ABCA7: variants seen among roughly 807,000 people sequenced by gnomAD.
ABCA7 encodes the protein ATP binding cassette subfamily A member 7.
A neutral mutation model predicts 227.6 loss-of-function variants in ABCA7; 261 were observed. The ratio of observed to expected loss-of-function variants is 1.15; its 90% CI spans 1.04 to 1.27. The LOEUF is 1.27. Ranked by LOEUF, ABCA7 falls within the 50% of genes most tolerant of loss-of-function variation. ABCA7 has a pLI of 0.00. For synonymous variants in ABCA7, 1,488 were observed against 1,279.7 expected (o/e 1.16, Z -3.47); for missense variants, 3,331 against 2,924.5 (o/e 1.14, Z -3.21).
In ABCA7 at chr19:1,063,785, C is replaced by G; in HGVS notation, c.5873C>G (p.Pro1958Arg). The change falls in exon 44 of 47, where the codon CCC becomes CGC. Residue 1958 changes from proline to arginine, a missense_variant. Physicochemically the swap from Pro to Arg is moderately radical, Grantham distance 103. Transcript: ENST00000263094. Reference protein sequence around the residue: ...FLDEPTTGMDPSARRFLWNSL... With the variant: ...FLDEPTTGMDRSARRFLWNSL... ...GACGAGCCGACCACAGGCATGGACCCCAGCGCGCGGCGCTTCCTTTGGAAC... is the reference window on the plus strand; with the variant it reads ...GACGAGCCGACCACAGGCATGGACCGCAGCGCGCGGCGCTTCCTTTGGAAC... 1 of 1,547,192 alleles carries G rather than the reference C, an allele frequency of 6.5e-7. No individual in the cohort carries two copies. Among genetic ancestry groups the G allele is most frequent in the African/African-American group, 1.4e-5 (1 of 73,172 alleles).
rs1043625671 is a variant in ABCA7 at position 1,064,998 on chromosome 19, G to C, written c.6112G>C (p.Val2038Leu). ...AARSQPAAAF[V>L]AAEFPGAELR... ...AAGGTCCCAGCCGGCAGCGGCCTTC[G>C]TGGCGGCCGAGTTCCCTGGGGCGGA... Residue 2038 changes from valine to leucine, a missense_variant, in exon 46 of 47, where the codon GTG becomes CTG. Val to Leu is a conservative substitution (Grantham distance 32). Transcript: ENST00000263094. 1 of 1,555,874 alleles carries C rather than the reference G, an allele frequency of 6.4e-7. No homozygotes were observed. The highest frequency in any genetic ancestry group is 2.4e-5 in the East Asian group (1 of 41,268).
chr19:1,049,175 C>T lies in ABCA7; in HGVS notation c.2381-91C>T, dbSNP rs560391567. The T allele has an allele frequency of 7.7e-5, 110 of 1,433,904 alleles. No individual in the cohort carries two copies. In the African/African-American group the frequency reaches 1.3e-3, roughly 17 times the overall value. The allele number at this position is 1,433,904 out of a possible 1,614,324, so 88.8% of individuals were successfully genotyped here. ...GCAGCTTTTATAGGCCCCGGCCCAG[C>T]AGGTCCCGGATTCCACAGCCCAGCT... On this transcript the variant is annotated intron_variant, in intron 17 of 46. Transcript: ENST00000263094.
chr19:1,056,248 G>A lies in ABCA7; in HGVS notation c.4416+5G>A. On this transcript the variant is annotated splice_donor_5th_base_variant and intron_variant, in intron 32 of 46. Transcript: ENST00000263094. This position sits in a 1 kb window ranked among gnomAD's most constrained non-coding sequence, Gnocchi z 4.3. ...GATGCTCAGGACAGTCTCAAGGTGG[G>A]AACTGGGGGGGCAGGTGGGCGTCCT... The A allele has an allele frequency of 4.4e-6, 7 of 1,590,634 alleles. No individual in the cohort carries two copies. Among genetic ancestry groups the A allele is most frequent in the Non-Finnish European group, 6.0e-6 (7 of 1,167,110 alleles).
chr19:1,056,212 C>T lies in ABCA7; in HGVS notation c.4385C>T (p.Ala1462Val). Residue 1462 changes from alanine (A) to valine (V), a missense_variant, in exon 32 of 47, where the codon GCT becomes GTT. Ala to Val is a moderately conservative substitution (Grantham distance 64). Coordinates refer to ENST00000263094, the MANE Select transcript of ABCA7 (RefSeq NM_019112.4). The surrounding 1 kb of genome is among the most constrained non-coding windows in gnomAD (Gnocchi z 4.3). ...DRVLKNLTAW[A>V]HSLDAQDSLK... The stretch of plus-strand genomic sequence containing the variant: ...GTCCTGAAAAACCTCACAGCCTGGG[C>T]TCACAGCCTGGATGCTCAGGACAGT... The T allele has an allele frequency of 6.2e-7, 1 of 1,602,026 alleles. No homozygotes were observed. Among genetic ancestry groups the T allele is most frequent in the Non-Finnish European group, 8.5e-7 (1 of 1,175,696 alleles).
In ABCA7 at chr19:1,062,028, C is replaced by G. The variant is rs2042689376; in HGVS notation, c.5570+140C>G. 15 of 1,446,096 alleles carry G rather than the reference C, an allele frequency of 1.0e-5. No individual in the cohort carries two copies. In the South Asian group the frequency reaches 1.9e-4, roughly 18 times the overall value. 89.6% of individuals were successfully genotyped at this position (1,446,096 alleles called of 1,614,324 possible). A position where few individuals can be genotyped will look rare whatever the true frequency, so the allele number is the denominator to read the frequency against. ...GTCTCTGAGACCCCTGCACCTCTAC[C>G]TCCCACACGCGGACCAGGCCCTGAG... On this transcript the variant is annotated intron_variant, in intron 41 of 46. Coordinates refer to ENST00000263094, the MANE Select transcript of ABCA7 (RefSeq NM_019112.4).
Position 1,058,998 on chromosome 19 carries a change from TTCTGAAAGACCTGCACTC to T in ABCA7, c.5401-22_5401-5del. On this transcript the variant is annotated splice_polypyrimidine_tract_variant and splice_region_variant and intron_variant, in intron 39 of 46. Coordinates refer to ENST00000263094, the MANE Select transcript of ABCA7 (RefSeq NM_019112.4). ...GGTGCTCCCACTGGCCCACTCACCT[TTCTGAAAGACCTGCACTC>T]TCCCAGGTATACCGTGGGCAGAGGA... is the stretch of plus-strand genomic sequence containing the variant. 6.2e-7 allele frequency: 1 copy of T among 1,613,824 alleles called. No homozygotes were observed. Among genetic ancestry groups the T allele is most frequent in the Non-Finnish European group, 8.5e-7 (1 of 1,179,900 alleles).
chr19:1,060,207 A>ATATATATATATATATATTTTT, intron 40 of ABCA7, among the ~76,000 whole-genome samples: 4 of 96,762 alleles, frequency 4.1e-5, no homozygotes, highest in African/African-American at 1.4e-4. Context: ...ATATATATAT[A>ATATATATATATATATATTTTT]TTTTTTTTTC....
chr19:1,059,196 G>A (rs2042487806), intron 40 of ABCA7, 111 bp downstream of exon 40: 3 of 1,091,336 alleles, frequency 2.7e-6, no homozygotes, highest in Admixed American at 3.0e-5. Context: ...ACCTTTTATT[G>A]GGCACCTACT....
At position 1,048,928 on chromosome 19, in the gene ABCA7, C is replaced by G. The variant is rs199819322; in HGVS notation, c.2303C>G (p.Pro768Arg). The G allele has an allele frequency of 1.2e-6, 2 of 1,609,686 alleles. No individual in the cohort carries two copies. Among genetic ancestry groups the G allele is most frequent in the Non-Finnish European group, 8.5e-7 (1 of 1,178,366 alleles). ...QYGIPEPWNFPFRRSYWCGPR... is the reference protein window; with the variant it reads ...QYGIPEPWNFRFRRSYWCGPR... ...GGGATCCCTGAACCATGGAATTTTC[C>G]TTTTCGGAGGAGCTACTGGTGCGGA... Residue 768 changes from proline (P) to arginine (R), a missense_variant, in exon 17 of 47, where the codon CCT (proline) becomes CGT (arginine). By Grantham distance (103) the Pro-to-Arg change is moderately radical. Transcript: ENST00000263094.
rs369226395 is a variant in ABCA7, at chr19:1,050,016, T to C, written c.2552+579T>C. Among the ~76,000 whole-genome samples, 306 of 80,166 alleles carry C rather than the reference T, an allele frequency of 3.8e-3. 1 individual carries two copies. The highest frequency in any genetic ancestry group is 0.016 in the East Asian group (34 of 2,124). The allele number at this position is 80,166 out of a possible 152,430, so 52.6% of individuals were successfully genotyped here. On this transcript the variant is annotated intron_variant, in intron 18 of 46. Coordinates refer to ENST00000263094, the MANE Select transcript of ABCA7 (RefSeq NM_019112.4). ...CCCTCCCTGTGAGCCCCCCACCACT[T>C]CCTCCCTGTGAGCTCCCTGTGAGGC... is the stretch of plus-strand genomic sequence containing the variant.
intron 1 of ABCA7, among the ~76,000 whole-genome samples, chr19:1,040,521 C>A (rs1003009723): frequency 6.6e-6 from 1 of 152,168 alleles, no homozygotes; most frequent in African/African-American, 2.4e-5. Context: ...AGAACCCTGG[C>A]GTAAGGGTCT....
Position 1,056,122 on chromosome 19 carries a change from TG to T in ABCA7, c.4298del (p.Gly1433AlafsTer11). ...CCAGGCCTGCCCTCGGGCCAAGAGTTGGGCCGCTCAGTGGAGGAGTTGTGGG... is the reference window on the plus strand; with the variant it reads ...CCAGGCCTGCCCTCGGGCCAAGAGTTGGCCGCTCAGTGGAGGAGTTGTGGG... ...RDPGLPSGQE[L>X]GRSVEELWAL... On this transcript the variant is annotated frameshift_variant, in exon 32 of 47. Coordinates refer to ENST00000263094, the MANE Select transcript of ABCA7 (RefSeq NM_019112.4). LOFTEE classifies it high-confidence loss of function. The surrounding 1 kb of genome is among the most constrained non-coding windows in gnomAD (Gnocchi z 4.3). The T allele has an allele frequency of 3.7e-6, 6 of 1,609,426 alleles. No individual in the cohort carries two copies. The highest frequency in any genetic ancestry group is 5.1e-6 in the Non-Finnish European group (6 of 1,178,800).
intron 40 of ABCA7, 30 bp from the exon 41 acceptor site, chr19:1,061,752 A>G: frequency 6.3e-7 from 1 of 1,599,090 alleles, no homozygotes; most frequent in African/African-American, 1.4e-5. Flanking sequence ...CTGGGGCCTC[A>G]CTGAGCACCA....
chr19:1,055,988 G>T, intron 31 of ABCA7, 49 bp downstream of exon 31: 1 of 1,563,734 alleles, frequency 6.4e-7, no homozygotes, highest in Non-Finnish European at 8.7e-7. Context: ...CCACTCCCAT[G>T]CCCTCTGCCT....
rs201122974 is a variant in ABCA7 at position 1,043,382 on chromosome 19, C to T, written c.839C>T (p.Ser280Phe). 5.6e-6 allele frequency: 9 copies of T among 1,613,222 alleles called. No homozygotes were observed. The East Asian group carries it at 1.8e-4, about 32-fold the overall frequency. The change falls in exon 9 of 47, where the codon TCC (serine) becomes TTC (phenylalanine). Residue 280 changes from serine (S) to phenylalanine (F), a missense_variant. Transcript: ENST00000263094. ...LIGALDSHPLSRLLWRRLKPL... is the reference protein window; with the variant it reads ...LIGALDSHPLFRLLWRRLKPL... Reference sequence around the variant, plus strand: ...GGAGCCCTGGACAGCCACCCGCTGTCCCGCCTGCTCTGGAGACGCCTGAAG... The same window carrying T: ...GGAGCCCTGGACAGCCACCCGCTGTTCCGCCTGCTCTGGAGACGCCTGAAG...
intron 31 of ABCA7, 52 bp downstream of exon 31, chr19:1,055,991 C>A: frequency 6.4e-7 from 1 of 1,562,216 alleles, no homozygotes; most frequent in Admixed American, 1.9e-5. Flanking sequence ...CTCCCATGCC[C>A]TCTGCCTGCC....
intron 19 of ABCA7, 35 bp from the exon 20 acceptor site, chr19:1,051,120 C>T: frequency 1.2e-6 from 2 of 1,610,310 alleles, no homozygotes; most frequent in East Asian, 2.2e-5. Context: ...CTCTGCCTGC[C>T]ATGTGGGTCA....
At position 1,043,469 on chromosome 19, in the gene ABCA7, C is replaced by A; in HGVS notation, c.926C>A (p.Ala309Asp). The change falls in exon 9 of 47, where the codon GCC (alanine) becomes GAC (aspartate). Residue 309 changes from alanine to aspartate, a missense_variant. By Grantham distance (126) the Ala-to-Asp change is moderately radical. Transcript: ENST00000263094. Reference protein sequence around the residue: ...PDTPFTRKLMAQVNRTFEELT... With the variant: ...PDTPFTRKLMDQVNRTFEELT... ...ACACCTTTTACCCGGAAGCTCATGG[C>A]CCAGGTGGGGGCAGCCTGGATGCTG... is the stretch of plus-strand genomic sequence containing the variant. The A allele has an allele frequency of 6.2e-7, 1 of 1,613,206 alleles. No homozygotes were observed. Among genetic ancestry groups the A allele is most frequent in the Non-Finnish European group, 8.5e-7 (1 of 1,179,996 alleles).
Position 1,042,029 on chromosome 19 carries a change from C to G in ABCA7, c.303-35C>G. ...GCAAACTCGGGGCTGCAGTGCCGGCCGGAACCCCGCCTCCTGCCCTCTCTC... is the reference window on the plus strand; with the variant it reads ...GCAAACTCGGGGCTGCAGTGCCGGCGGGAACCCCGCCTCCTGCCCTCTCTC... On this transcript the variant is annotated intron_variant, in intron 4 of 46. Transcript: ENST00000263094. 1.3e-6 allele frequency: 2 copies of G among 1,581,686 alleles called. 1 individual carries two copies. Among genetic ancestry groups the G allele is most frequent in the South Asian group, 2.2e-5 (2 of 89,468 alleles).
Sources: allele counts gnomAD v4.1 joint callset (sites outside exome capture counted in the v4.1 genomes callset), GRCh38; gene constraint gnomAD v4.1.1; non-coding constraint Gnocchi (gnomAD v3.1); transcripts MANE v1.5; gene names NCBI Gene and HGNC (gene_info 2026-07-23, HGNC 2026-07-21).